CNTN5: variants seen among roughly 807,000 people sequenced by gnomAD.
CNTN5 encodes the protein contactin 5, also known as contactin-5.
CNTN5 carries 77 observed loss-of-function variants against 129.1 expected under a neutral mutation model. The ratio of observed to expected loss-of-function variants is 0.60; its 90% CI spans 0.50 to 0.72. The LOEUF is 0.72. CNTN5 is among the 30% of genes least tolerant of loss of function. The probability of loss-of-function intolerance (pLI) is 0.00; values close to 1 mark genes in which losing one functional copy is unlikely to be tolerated. For synonymous variants in CNTN5, 509 were observed against 465.6 expected (o/e 1.09, Z -1.20); for missense variants, 1,478 against 1,328.8 (o/e 1.11, Z -1.75).
chr11:99,827,360 A>G (rs1419379946), intron 4 of CNTN5, among the ~76,000 whole-genome samples: 1 of 152,190 alleles, frequency 6.6e-6, no homozygotes, highest in Non-Finnish European at 1.5e-5. Context: ...AAGTGCTGGG[A>G]TTACAAGCAT....
chr11:100,134,205 G>A (rs1591298027), intron 13 of CNTN5, among the ~76,000 whole-genome samples: 1 of 152,110 alleles, frequency 6.6e-6, no homozygotes, highest in African/African-American at 2.4e-5. Flanking sequence ...AACTTATTGA[G>A]CATGACTTTT....
chr11:99,558,408 G>T (rs1370615517), intron 3 of CNTN5: 2 of 214,784 alleles, frequency 9.3e-6, no homozygotes, highest in Non-Finnish European at 2.0e-5. Context: ...TTTAGCTCTG[G>T]TATGTTCCAT....
At chr11:99,904,119 T>A (rs953126991) in intron 6 of CNTN5, among the ~76,000 whole-genome samples, 8 of 152,144 alleles carry the variant, frequency 5.3e-5, no homozygotes, top group African/African-American at 1.9e-4. Context: ...ATATAGATAA[T>A]TTTGTATCTT....
chr11:99,438,745 T>C (rs1016175456), intron 2 of CNTN5, among the ~76,000 whole-genome samples: 2 of 152,180 alleles, frequency 1.3e-5, no homozygotes. Flanking sequence ...TTCAGTAATG[T>C]TTGTGCATCA....
At chr11:100,083,954 A>C (rs1352868947) in intron 13 of CNTN5, among the ~76,000 whole-genome samples, 2 of 152,078 alleles carry the variant, frequency 1.3e-5, no homozygotes, top group Non-Finnish European at 2.9e-5. Flanking sequence ...TCAACTCCCA[A>C]CGAGAGATAA....
intron 3 of CNTN5, among the ~76,000 whole-genome samples, chr11:99,716,029 A>AC (rs1215789942): frequency 6.6e-6 from 1 of 151,652 alleles, no homozygotes; most frequent in African/African-American, 2.4e-5. Context: ...CTAATTTAAA[A>AC]AAAAGTTTGG....
chr11:100,037,891 C>G (rs1489371115), intron 9 of CNTN5, among the ~76,000 whole-genome samples: 2 of 152,056 alleles, frequency 1.3e-5, no homozygotes, highest in South Asian at 4.1e-4. Flanking sequence ...GGCGGTCTAT[C>G]AATTTTGTTG....
At chr11:99,279,897 T>A (rs1863614955) in intron 1 of CNTN5, among the ~76,000 whole-genome samples, 1 of 151,518 alleles carries the variant, frequency 6.6e-6, no homozygotes, top group Admixed American at 6.6e-5. Flanking sequence ...AGGGTGGGTT[T>A]GGTGTTTTAA....
At chr11:99,126,341 T>C (rs55902310) in intron 1 of CNTN5, among the ~76,000 whole-genome samples, 9,382 of 152,216 alleles carry the variant, frequency 0.062, 315 homozygotes, top group African/African-American at 0.085. Flanking sequence ...CCTTCAAACT[T>C]CTGTTGAAGG....
At chr11:99,690,184 GA>G (rs1235026260) in intron 3 of CNTN5, among the ~76,000 whole-genome samples, 1 of 152,104 alleles carries the variant, frequency 6.6e-6, no homozygotes, top group Non-Finnish European at 1.5e-5. Flanking sequence ...ATTAAGTAGG[GA>G]ATCCTTTCCC....
chr11:99,430,315 A>T (rs1447223477), intron 2 of CNTN5, among the ~76,000 whole-genome samples: 1 of 151,994 alleles, frequency 6.6e-6, no homozygotes, highest in Non-Finnish European at 1.5e-5. Context: ...AACTAAAAAA[A>T]ATTCCGAAAA....
At chr11:99,752,602 G>A (rs1017926990) in intron 3 of CNTN5, among the ~76,000 whole-genome samples, 1 of 152,042 alleles carries the variant, frequency 6.6e-6, no homozygotes, top group East Asian at 1.9e-4. Context: ...TATATTCACT[G>A]TTTTCCATTC....
intron 1 of CNTN5, among the ~76,000 whole-genome samples, chr11:99,082,829 A>G (rs1000251121): frequency 2.0e-5 from 3 of 152,186 alleles, no homozygotes; most frequent in African/African-American, 4.8e-5. Context: ...TATATACATT[A>G]CACAACAAGG....
intron 24 of CNTN5, among the ~76,000 whole-genome samples, chr11:100,352,938 C>T (rs1238297878): frequency 2.0e-5 from 3 of 151,610 alleles, no homozygotes; most frequent in Admixed American, 6.6e-5. Flanking sequence ...GGCCTCATCA[C>T]GTTCCTGGGA....
At chr11:99,634,043 A>C (rs905927210) in intron 3 of CNTN5, among the ~76,000 whole-genome samples, 3 of 152,194 alleles carry the variant, frequency 2.0e-5, no homozygotes, top group African/African-American at 7.2e-5. Context: ...AAGAGTGTTA[A>C]GTAAGGAAGA....
At position 100,356,174 on chromosome 11, in the gene CNTN5, C is replaced by T. The variant is rs1952520382; in HGVS notation, c.3257C>T (p.Ser1086Leu). The stretch of plus-strand genomic sequence containing the variant: ...CACTCTCTCTCCACATCTTCGTCAT[C>T]AGTCACCTTGCTCTTGGCATTGATG... Reference protein sequence around the residue: ...TLHSLSTSSSSVTLLLALMIP... With the variant: ...TLHSLSTSSSLVTLLLALMIP... Residue 1086 changes from serine to leucine, a missense_variant, in exon 25 of 25, where the codon TCA (serine) becomes TTA (leucine). Ser to Leu is a moderately radical substitution (Grantham distance 145). Transcript: ENST00000524871. 4 of 1,610,522 alleles carry T rather than the reference C, an allele frequency of 2.5e-6. No individual in the cohort carries two copies. In the East Asian group the frequency reaches 8.9e-5, roughly 36 times the overall value.
rs895956286 is a variant in CNTN5, at chr11:99,767,797, T to C, written c.56-51747T>C. Among the ~76,000 whole-genome samples, 8 of 152,188 alleles carry C rather than the reference T, an allele frequency of 5.3e-5. 1 individual carries two copies. In the South Asian group the frequency reaches 1.7e-3, roughly 32 times the overall value. ...CAAATAAAGACTACATGAATTCTTA[T>C]TAAATACTGTTATTTCCACTTCTAT... On this transcript the variant is annotated intron_variant, in intron 3 of 24. Coordinates refer to ENST00000524871, the MANE Select transcript of CNTN5 (RefSeq NM_014361.4).
At chr11:99,538,710 T>TCTAG (rs1240689374) in intron 2 of CNTN5, among the ~76,000 whole-genome samples, 14 of 152,128 alleles carry the variant, frequency 9.2e-5, no homozygotes, top group African/African-American at 3.4e-4. Flanking sequence ...TGAGTACTGC[T>TCTAG]CTAGGTATCT....
intron 2 of CNTN5, among the ~76,000 whole-genome samples, chr11:99,481,914 A>G (rs1265474858): frequency 1.3e-5 from 2 of 152,190 alleles, no homozygotes; most frequent in African/African-American, 2.4e-5. Context: ...GGAAGAGATG[A>G]TATTTTCTTA....
Sources: gnomAD v4.1 joint callset for allele counts (sites outside exome capture counted in the v4.1 genomes callset) on GRCh38, gnomAD v4.1.1 for gene constraint, MANE v1.5 for transcripts, NCBI Gene and HGNC (gene_info 2026-07-23, HGNC 2026-07-21) for gene names.